The following FBN3 variants were observed in gnomAD, a reference collection of about 807,000 sequenced individuals.
FBN3 encodes fibrillin-3.
Under a neutral mutation model 330.1 loss-of-function variants are expected in FBN3, and 234 were observed. The ratio of observed to expected loss-of-function variants is 0.71; its 90% CI spans 0.64 to 0.79. FBN3 has a LOEUF of 0.79. Among genes scored for constraint, FBN3 ranks in the 30% least tolerant of loss-of-function variants. The pLI, the probability that FBN3 is intolerant of heterozygous loss-of-function variation, is 0.00. For missense variants in FBN3, 3,606 were observed against 3,886.9 expected, an observed-to-expected ratio of 0.93 and a Z score of 1.92; for synonymous variants, 1,458 against 1,517.3, an observed-to-expected ratio of 0.96 and a Z score of 0.91.
chr19:8,144,068 A>C (rs946646452), intron 6 of FBN3, among the ~76,000 whole-genome samples: 9 of 150,842 alleles, frequency 6.0e-5, no homozygotes, highest in Non-Finnish European at 1.2e-4. Flanking sequence ...TTTGGTAACA[A>C]CCTCTCAGCA....
At position 8,123,877 on chromosome 19, in the gene FBN3, G is replaced by A; in HGVS notation, c.2863C>T (p.Pro955Ser). 2 of 1,613,490 alleles carry A rather than the reference G, an allele frequency of 1.2e-6. No homozygotes were observed. The highest frequency in any genetic ancestry group is 8.5e-7 in the Non-Finnish European group (1 of 1,180,010). Residue 955 changes from proline to serine, a missense_variant, in exon 23 of 64, where the codon CCG becomes TCG. Pro to Ser is a moderately conservative substitution (Grantham distance 74). Coordinates refer to ENST00000600128, the MANE Select transcript of FBN3 (RefSeq NM_032447.5). ...GCGAACTCCAGAGACTCGGGATCCG[G>A]GCAGGCCTCGCACTCGACTCCCCAC... ...AVWGVECEACPDPESLEFASL... is the reference protein window; with the variant it reads ...AVWGVECEACSDPESLEFASL...
chr19:8,135,936 G>GCGCCCCC, intron 13 of FBN3, 25 bp downstream of exon 13: 6 of 668,778 alleles, frequency 9.0e-6, no homozygotes, highest in South Asian at 3.2e-5. Flanking sequence ...GGAAGCCCCT[G>GCGCCCCC]CCCACCCGCC....
chr19:8,123,615 C>T (rs529407589), intron 23 of FBN3, 26 bp from the exon 24 acceptor site: 4 of 1,612,266 alleles, frequency 2.5e-6, no homozygotes, highest in Admixed American at 3.3e-5. Context: ...ATCAAACCAC[C>T]CTGACGTCCC....
intron 53 of FBN3, 32 bp from the exon 54 acceptor site, chr19:8,087,243 A>T: frequency 6.5e-7 from 1 of 1,548,070 alleles, no homozygotes; most frequent in Non-Finnish European, 8.7e-7. Flanking sequence ...TGGTCAGTCA[A>T]GGCCAGGCAC....
chr19:8,106,765 A>G (rs960766896), intron 37 of FBN3, among the ~76,000 whole-genome samples: 1 of 151,326 alleles, frequency 6.6e-6, no homozygotes, highest in Non-Finnish European at 1.5e-5. Context: ...GGATGAATAG[A>G]TGGGAGATAG....
At chr19:8,106,284 C>T (rs1185733711) in intron 37 of FBN3, 51 bp from the exon 38 acceptor site, 3 of 1,606,724 alleles carry the variant, frequency 1.9e-6, no homozygotes, top group South Asian at 1.1e-5. Flanking sequence ...ATGCAGAGGA[C>T]TTAAGGGGCA....
intron 47 of FBN3, among the ~76,000 whole-genome samples, chr19:8,093,759 A>T (rs1277911337): frequency 6.6e-6 from 1 of 151,348 alleles, no homozygotes; most frequent in African/African-American, 2.4e-5. Flanking sequence ...CTCTCAAAAC[A>T]AAACAAACAA....
At position 8,149,174 on chromosome 19, in the gene FBN3, C is replaced by T. The variant is rs946648615; in HGVS notation, c.-18+275G>A. Reference sequence around the variant, plus strand: ...GGGGCGCGATCTCCACCCGGCAGGGCCCCCGGCCGCGACCACGCTTGGCTC... The same window carrying T: ...GGGGCGCGATCTCCACCCGGCAGGGTCCCCGGCCGCGACCACGCTTGGCTC... On this transcript the variant is annotated intron_variant, in intron 1 of 63. Coordinates refer to ENST00000600128, the MANE Select transcript of FBN3 (RefSeq NM_032447.5). The surrounding 1 kb of genome is among the most constrained non-coding windows in gnomAD (Gnocchi z 5.5). 1.3e-5 allele frequency among the ~76,000 whole-genome samples: 2 copies of T among 152,046 alleles called. No homozygotes were observed. Among genetic ancestry groups the T allele is most frequent in the South Asian group, 4.1e-4 (2 of 4,828 alleles).
chr19:8,148,453 T>TA (rs1345769071), intron 1 of FBN3, among the ~76,000 whole-genome samples: 5 of 151,058 alleles, frequency 3.3e-5, no homozygotes, highest in Admixed American at 6.6e-5. Flanking sequence ...AGTGAGGGGC[T>TA]AAGCCGGAGC....
At chr19:8,112,521 G>T (rs1215833235) in intron 30 of FBN3, among the ~76,000 whole-genome samples, 1 of 152,080 alleles carries the variant, frequency 6.6e-6, no homozygotes, top group African/African-American at 2.4e-5. Context: ...GTGGTGGCAG[G>T]TGCCTGTAGT....
At chr19:8,097,188 G>T (rs2082229262) in intron 42 of FBN3, 101 bp downstream of exon 42, 3 of 1,498,722 alleles carry the variant, frequency 2.0e-6, no homozygotes, top group East Asian at 4.8e-5. Context: ...TACATACAGG[G>T]AAATGGAGGC....
intron 30 of FBN3, 23 bp from the exon 31 acceptor site, chr19:8,112,122 G>GC (rs775616745): frequency 1.9e-6 from 3 of 1,607,132 alleles, no homozygotes; most frequent in Non-Finnish European, 2.6e-6. Flanking sequence ...GAGGCACGAC[G>GC]CCAAGACCCA....
At chr19:8,126,402 AG>A (rs1479307860) in intron 20 of FBN3, 55 bp from the exon 21 acceptor site, 39 of 1,587,200 alleles carry the variant, frequency 2.5e-5, no homozygotes, top group African/African-American at 2.0e-4. Flanking sequence ...TGCCAGCCCA[AG>A]GGGGGACCCG....
intron 47 of FBN3, among the ~76,000 whole-genome samples, 157 bp downstream of exon 47, chr19:8,094,289 C>T (rs1270931593): frequency 6.6e-6 from 1 of 152,176 alleles, no homozygotes; most frequent in African/African-American, 2.4e-5. Context: ...AGTCCAGAAA[C>T]AATCAGAATG....
In FBN3 at chr19:8,115,625, T is replaced by A. The variant is rs1440613952; in HGVS notation, c.3728A>T (p.Asp1243Val). ...MRTCVDVDEC[D>V]LNPHICLHGD... ...ATGGAGGCAGATGTGAGGGTTCAGGTCACACTCATCCACATCTGTTGGGGA... is the reference window on the plus strand; with the variant it reads ...ATGGAGGCAGATGTGAGGGTTCAGGACACACTCATCCACATCTGTTGGGGA... Residue 1243 changes from aspartate (D) to valine (V), a missense_variant, in exon 30 of 64, where the codon GAC (aspartate) becomes GTC (valine). Physicochemically the swap from Asp to Val is radical, Grantham distance 152 (BLOSUM62 -3). Coordinates refer to ENST00000600128, the MANE Select transcript of FBN3 (RefSeq NM_032447.5). The A allele has an allele frequency of 8.1e-6, 13 of 1,613,736 alleles. No homozygotes were observed. The highest frequency in any genetic ancestry group is 1.1e-5 in the Non-Finnish European group (13 of 1,179,950).
At chr19:8,077,019 C>T (rs1286644498) in intron 59 of FBN3, among the ~76,000 whole-genome samples, 1 of 152,190 alleles carries the variant, frequency 6.6e-6, no homozygotes, top group East Asian at 1.9e-4. Context: ...CCAACTCAGC[C>T]TCCCAAAGTG....
chr19:8,104,096 G>T (rs2082386788), intron 38 of FBN3, among the ~76,000 whole-genome samples: 1 of 148,950 alleles, frequency 6.7e-6, no homozygotes, highest in Non-Finnish European at 1.5e-5. Context: ...CTGCACTCCA[G>T]CCTGGGTGCA....
At position 8,095,510 on chromosome 19, in the gene FBN3, A is replaced by G. The variant is rs753877435; in HGVS notation, c.5657-7T>C. ...GTAGTACACTCATCAAAATCTGTAG[A>G]GGGGAGATGGGCAGGCCAGTTCACC... On this transcript the variant is annotated splice_polypyrimidine_tract_variant and splice_region_variant and intron_variant, in intron 45 of 63. Transcript: ENST00000600128. The G allele has an allele frequency of 1.2e-6, 2 of 1,612,398 alleles. No individual in the cohort carries two copies. Among genetic ancestry groups the G allele is most frequent in the Non-Finnish European group, 1.7e-6 (2 of 1,179,056 alleles).
chr19:8,103,038 G>T (rs574208423), intron 39 of FBN3, among the ~76,000 whole-genome samples, 165 bp from the exon 40 acceptor site: 8 of 151,754 alleles, frequency 5.3e-5, no homozygotes, highest in Non-Finnish European at 1.2e-4. Context: ...AGGCGGAGGC[G>T]GGCGGATCAC....
Sources: allele counts gnomAD v4.1 joint callset (sites outside exome capture counted in the v4.1 genomes callset), GRCh38; gene constraint gnomAD v4.1.1; non-coding constraint Gnocchi (gnomAD v3.1); transcripts MANE v1.5; gene names NCBI Gene and HGNC (gene_info 2026-07-23, HGNC 2026-07-21).